JARID2: variants seen among roughly 807,000 people sequenced by gnomAD.
JARID2 encodes protein Jumonji.
A neutral mutation model predicts 125.6 loss-of-function variants in JARID2; 21 were observed. The ratio of observed to expected loss-of-function variants is 0.17; its 90% CI spans 0.12 to 0.24. The LOEUF is 0.24. Among genes scored for constraint, JARID2 ranks in the 10% least tolerant of loss-of-function variants. The probability of loss-of-function intolerance (pLI) is 1.00; values close to 1 mark genes in which losing one functional copy is unlikely to be tolerated. For missense variants in JARID2, 1,303 were observed against 1,639.6 expected (o/e 0.79, Z 3.55); for synonymous variants, 736 against 661.6 (o/e 1.11, Z -1.73).
intron 3 of JARID2, among the ~76,000 whole-genome samples, chr6:15,415,703 C>G: frequency 6.8e-6 from 1 of 147,940 alleles, no homozygotes. Context: ...GCTGACCCCC[C>G]CACCTCCTTC....
In JARID2 at chr6:15,376,792, C is replaced by G. The variant is rs531457452; in HGVS notation, c.181+2540C>G. Among the ~76,000 whole-genome samples, 7 of 152,272 alleles carry G rather than the reference C, an allele frequency of 4.6e-5. No homozygotes were observed. The South Asian group carries it at 1.5e-3, about 32-fold the overall frequency. Reference sequence around the variant, plus strand: ...TGTACTTTCTTATTTTGGGGAGCTACTTGGAATCACTGGAAAACAGAATTG... The same window carrying G: ...TGTACTTTCTTATTTTGGGGAGCTAGTTGGAATCACTGGAAAACAGAATTG... On this transcript the variant is annotated intron_variant, in intron 2 of 17. Transcript: ENST00000341776.
intron 13 of JARID2, 70 bp downstream of exon 13, chr6:15,511,471 A>G (rs779107819): frequency 1.9e-6 from 2 of 1,044,076 alleles, no homozygotes; most frequent in Non-Finnish European, 3.0e-6. Flanking sequence ...ATGGTTTCCC[A>G]TGAACCCGCC....
chr6:15,352,880 A>G (rs1763478335), intron 1 of JARID2, among the ~76,000 whole-genome samples: 1 of 152,230 alleles, frequency 6.6e-6, no homozygotes, highest in Admixed American at 6.5e-5. Flanking sequence ...TGAGACATCA[A>G]TACATCTTTT....
intron 1 of JARID2, among the ~76,000 whole-genome samples, chr6:15,355,026 T>C (rs2127486939): frequency 6.6e-6 from 1 of 152,280 alleles, no homozygotes; most frequent in Non-Finnish European, 1.5e-5. Context: ...CAGAAGAATG[T>C]TCATTGAGAG....
At chr6:15,508,186 A>AGT (rs1455433161) in intron 11 of JARID2, among the ~76,000 whole-genome samples, 154 bp from the exon 12 acceptor site, 1 of 152,244 alleles carries the variant, frequency 6.6e-6, no homozygotes, top group Non-Finnish European at 1.5e-5. Flanking sequence ...AGCAGGAAAG[A>AGT]GTAGGTACCT....
intron 1 of JARID2, among the ~76,000 whole-genome samples, chr6:15,363,268 C>G (rs1471707102): frequency 2.0e-5 from 3 of 152,146 alleles, no homozygotes; most frequent in African/African-American, 7.2e-5. Flanking sequence ...GTTCAAACAC[C>G]AGCACTTCTC....
At chr6:15,488,469 C>T (rs1325389056) in intron 6 of JARID2, among the ~76,000 whole-genome samples, 1 of 152,204 alleles carries the variant, frequency 6.6e-6, no homozygotes, top group Non-Finnish European at 1.5e-5. Flanking sequence ...TTAAAATCTT[C>T]CCTAGAAGAG....
At chr6:15,415,832 ACCTC>A (rs1437249521) in intron 3 of JARID2, among the ~76,000 whole-genome samples, 1 of 111,260 alleles carries the variant, frequency 9.0e-6, no homozygotes, top group Non-Finnish European at 1.9e-5. Context: ...TGACCCCCCC[ACCTC>A]CCTCCCGGAC....
chr6:15,346,034 A>C (rs983967266), intron 1 of JARID2, among the ~76,000 whole-genome samples: 1 of 152,210 alleles, frequency 6.6e-6, no homozygotes, highest in African/African-American at 2.4e-5. Flanking sequence ...AGAAATAATG[A>C]ATTATTATTC....
intron 1 of JARID2, among the ~76,000 whole-genome samples, chr6:15,302,462 A>G (rs1205056412): frequency 3.3e-5 from 5 of 151,934 alleles, no homozygotes; most frequent in African/African-American, 1.2e-4. Context: ...TTGTTGACTT[A>G]GTAGTTCAAA....
At chr6:15,387,918 C>T (rs1350383748) in intron 2 of JARID2, among the ~76,000 whole-genome samples, 1 of 152,214 alleles carries the variant, frequency 6.6e-6, no homozygotes, top group East Asian at 1.9e-4. Flanking sequence ...AGTAATTCAT[C>T]TTATCTACCT....
intron 1 of JARID2, among the ~76,000 whole-genome samples, chr6:15,313,140 C>T (rs1762071417): frequency 1.3e-5 from 2 of 152,124 alleles, no homozygotes; most frequent in African/African-American, 4.8e-5. Flanking sequence ...TTTTACATTA[C>T]ACCTGTCCTC....
chr6:15,472,199 G>A (rs1445874468), intron 5 of JARID2, among the ~76,000 whole-genome samples: 2 of 151,708 alleles, frequency 1.3e-5, no homozygotes, highest in Admixed American at 6.6e-5. Flanking sequence ...GGTAAGCACC[G>A]ACACACCCAC....
intron 2 of JARID2, among the ~76,000 whole-genome samples, chr6:15,399,461 A>T (rs11757415): frequency 7.9e-5 from 12 of 152,028 alleles, no homozygotes; most frequent in African/African-American, 2.7e-4. Context: ...ACTAGACACT[A>T]AGGAGGACCA....
At chr6:15,427,483 A>AC (rs1415948222) in intron 3 of JARID2, among the ~76,000 whole-genome samples, 1 of 149,528 alleles carries the variant, frequency 6.7e-6, no homozygotes, top group South Asian at 2.1e-4. Context: ...TATCACTTCC[A>AC]CCCCCCATGT....
chr6:15,332,912 T>G (rs955512622), intron 1 of JARID2, among the ~76,000 whole-genome samples: 1 of 148,396 alleles, frequency 6.7e-6, no homozygotes, highest in Non-Finnish European at 1.5e-5. Context: ...CCATAAAATT[T>G]ACCCTTTCTT....
intron 1 of JARID2, among the ~76,000 whole-genome samples, chr6:15,298,210 A>C (rs1199601582): frequency 6.6e-6 from 1 of 152,216 alleles, no homozygotes; most frequent in Non-Finnish European, 1.5e-5. Context: ...AATTTGCTTT[A>C]TTAAGTATCT....
chr6:15,520,450 C>G lies in JARID2; in HGVS notation c.*199C>G. ...ACTTAGAAAACCTAGATACTGCAGT[C>G]AGATTTTGGAAACTGCCGTATAGTC... is the stretch of plus-strand genomic sequence containing the variant. On this transcript the variant is annotated 3_prime_UTR_variant, in exon 18 of 18. Coordinates refer to ENST00000341776, the MANE Select transcript of JARID2 (RefSeq NM_004973.4). 1 of 469,126 alleles carries G rather than the reference C, an allele frequency of 2.1e-6. No individual in the cohort carries two copies. Among genetic ancestry groups the G allele is most frequent in the Non-Finnish European group, 3.7e-6 (1 of 270,318 alleles). 29.1% of individuals were successfully genotyped at this position (469,126 alleles called of 1,614,324 possible).
At chr6:15,287,501 T>C (rs1761048753) in intron 1 of JARID2, among the ~76,000 whole-genome samples, 2 of 152,242 alleles carry the variant, frequency 1.3e-5, no homozygotes, top group Admixed American at 1.3e-4. Context: ...TTGCAATTTT[T>C]TGTGTTGATA....
Sources: gnomAD v4.1 joint callset for allele counts (sites outside exome capture counted in the v4.1 genomes callset) on GRCh38, gnomAD v4.1.1 for gene constraint, MANE v1.5 for transcripts, NCBI Gene and HGNC (gene_info 2026-07-23, HGNC 2026-07-21) for gene names.